The following LIMCH1 variants were observed in gnomAD, a reference collection of about 807,000 sequenced individuals.
LIMCH1 encodes LIM and calponin homology domains-containing protein 1.
Under a neutral mutation model 176.5 loss-of-function variants are expected in LIMCH1, and 113 were observed. The observed-to-expected ratio is 0.64, with a 90% CI of 0.55 to 0.75. LIMCH1 has a LOEUF of 0.75. Ranked by LOEUF, LIMCH1 falls within the 30% of genes least tolerant of loss-of-function variation. The pLI is 0.00. For synonymous variants in LIMCH1, 619 were observed against 645.9 expected, an observed-to-expected ratio of 0.96 and a Z score of 0.63; for missense variants, 1,674 against 1,814.9, an observed-to-expected ratio of 0.92 and a Z score of 1.41.
intron 1 of LIMCH1, among the ~76,000 whole-genome samples, chr4:41,477,556 A>T (rs1046790116): frequency 6.6e-6 from 1 of 152,238 alleles, no homozygotes; most frequent in Non-Finnish European, 1.5e-5. Context: ...AAGAGGGTTC[A>T]GAAGAGCCTG....
chr4:41,662,479 T>G (rs1475020979), intron 19 of LIMCH1, among the ~76,000 whole-genome samples: 1 of 152,206 alleles, frequency 6.6e-6, no homozygotes, highest in Non-Finnish European at 1.5e-5. Flanking sequence ...CTGTAGATGT[T>G]CTCTTATCTA....
intron 1 of LIMCH1, chr4:41,494,468 T>C: frequency 2.9e-6 from 3 of 1,051,180 alleles, no homozygotes; most frequent in Non-Finnish European, 4.4e-6. Context: ...CACACACATA[T>C]ATATATGATT....
chr4:41,407,695 A>T (rs372473025), intron 1 of LIMCH1, among the ~76,000 whole-genome samples: 1 of 152,084 alleles, frequency 6.6e-6, no homozygotes, highest in Non-Finnish European at 1.5e-5. Context: ...ATAGCCACAA[A>T]CTTCTCCTAT....
chr4:41,391,485 AACAG>A (rs1182643199), intron 1 of LIMCH1, among the ~76,000 whole-genome samples: 2 of 152,218 alleles, frequency 1.3e-5, no homozygotes, highest in African/African-American at 4.8e-5. Flanking sequence ...ACTCATTTTT[AACAG>A]ACAGACTAGG....
intron 7 of LIMCH1, among the ~76,000 whole-genome samples, chr4:41,625,013 A>C (rs1350145150): frequency 1.3e-5 from 2 of 152,174 alleles, no homozygotes; most frequent in African/African-American, 4.8e-5. Flanking sequence ...GTGCCCCCAA[A>C]GCAACTCCTT....
At chr4:41,374,152 A>C (rs1490737599) in intron 1 of LIMCH1, among the ~76,000 whole-genome samples, 2 of 152,090 alleles carry the variant, frequency 1.3e-5, no homozygotes, top group Non-Finnish European at 2.9e-5. Flanking sequence ...CAGGCTGTTG[A>C]CCAAGGGTGT....
chr4:41,636,555 C>T (rs1387015541), intron 13 of LIMCH1, among the ~76,000 whole-genome samples: 4 of 151,882 alleles, frequency 2.6e-5, no homozygotes, highest in Admixed American at 6.6e-5. Context: ...AGGTTATCTT[C>T]GGAAACTGGG....
At chr4:41,429,322 G>GT (rs567168084) in intron 1 of LIMCH1, among the ~76,000 whole-genome samples, 3 of 151,866 alleles carry the variant, frequency 2.0e-5, no homozygotes, top group East Asian at 1.9e-4. Flanking sequence ...TGACCCATGG[G>GT]TTTTTTTAAA....
chr4:41,495,603 G>A (rs564077550), intron 2 of LIMCH1, among the ~76,000 whole-genome samples: 14 of 152,246 alleles, frequency 9.2e-5, no homozygotes, highest in Admixed American at 2.6e-4. Flanking sequence ...TGTGGGTTTG[G>A]AGCCTGTGGA....
chr4:41,433,312 T>A (rs138947866), intron 1 of LIMCH1, among the ~76,000 whole-genome samples: 1 of 152,350 alleles, frequency 6.6e-6, no homozygotes, highest in African/African-American at 2.4e-5. Flanking sequence ...GGGGAAACAC[T>A]TGAATGTATA....
chr4:41,626,719 TAAGTG>T lies in LIMCH1; in HGVS notation c.741_745del (p.Ser247ArgfsTer7), dbSNP rs1474119258. 5 of 1,535,612 alleles carry T rather than the reference TAAGTG, an allele frequency of 3.3e-6. No homozygotes were observed. The East Asian group carries it at 7.3e-5, about 23-fold the overall frequency. ...TTTTCCCCTATCAGTCAAAAACAAT[TAAGTG>T]AAGAGAAAGAAGCTATTCGTGATAT... is the stretch of plus-strand genomic sequence containing the variant. On this transcript the variant is annotated frameshift_variant, in exon 8 of 32. Coordinates refer to ENST00000503057, the MANE Select transcript of LIMCH1 (RefSeq NM_001330672.2). LOFTEE classifies it high-confidence loss of function.
intron 1 of LIMCH1, among the ~76,000 whole-genome samples, chr4:41,547,525 C>G (rs897732024): frequency 2.2e-5 from 3 of 134,786 alleles, no homozygotes; most frequent in Admixed American, 7.2e-5. Flanking sequence ...ATTTAAGTTT[C>G]GCATTTTTTC....
At chr4:41,679,107 C>G (rs1027485204) in intron 23 of LIMCH1, among the ~76,000 whole-genome samples, 3 of 152,104 alleles carry the variant, frequency 2.0e-5, no homozygotes, top group African/African-American at 7.2e-5. Context: ...AGTGGCTTCC[C>G]CATGAAGACA....
chr4:41,427,124 AAG>A (rs2061181247), intron 1 of LIMCH1, among the ~76,000 whole-genome samples: 1 of 152,188 alleles, frequency 6.6e-6, no homozygotes, highest in South Asian at 2.1e-4. Context: ...GGCAGGACTT[AAG>A]TTATTTTACA....
chr4:41,596,563 G>A (rs1287554543), intron 1 of LIMCH1, among the ~76,000 whole-genome samples: 1 of 152,224 alleles, frequency 6.6e-6, no homozygotes, highest in African/African-American at 2.4e-5. Context: ...GCGACAGGAT[G>A]ATCAATGCAC....
intron 1 of LIMCH1, among the ~76,000 whole-genome samples, chr4:41,374,693 A>G (rs1379628220): frequency 6.6e-6 from 1 of 152,170 alleles, no homozygotes; most frequent in Non-Finnish European, 1.5e-5. Flanking sequence ...ACTTCATACA[A>G]AGGCTGACTC....
At chr4:41,399,650 AACTTT>A (rs1339738566) in intron 1 of LIMCH1, among the ~76,000 whole-genome samples, 4 of 150,058 alleles carry the variant, frequency 2.7e-5, no homozygotes, top group Admixed American at 6.7e-5. Flanking sequence ...TTACTCAGCT[AACTTT>A]ACTTGTAACA....
intron 1 of LIMCH1, among the ~76,000 whole-genome samples, chr4:41,481,420 C>T (rs1263616351): frequency 6.6e-6 from 1 of 152,140 alleles, no homozygotes. Flanking sequence ...GAGCAAGTCA[C>T]CTGATTTCCA....
intron 2 of LIMCH1, among the ~76,000 whole-genome samples, chr4:41,496,462 C>T (rs913917413): frequency 1.3e-5 from 2 of 152,172 alleles, no homozygotes; most frequent in African/African-American, 4.8e-5. Context: ...AAGCCAGTAG[C>T]GTGAACCTCT....
Sources: gnomAD v4.1 joint callset for allele counts (sites outside exome capture counted in the v4.1 genomes callset) on GRCh38, gnomAD v4.1.1 for gene constraint, MANE v1.5 for transcripts, NCBI Gene and HGNC (gene_info 2026-07-23, HGNC 2026-07-21) for gene names.